Variants in GPAM observed in about 807,000 individuals in gnomAD.
GPAM encodes the protein glycerol-3-phosphate acyltransferase 1, mitochondrial.
Under a neutral mutation model 105.0 loss-of-function variants are expected in GPAM, and 56 were observed. The observed-to-expected ratio is 0.53, with a 90% CI of 0.43 to 0.67. GPAM has a LOEUF of 0.67. Ranked by LOEUF, GPAM falls within the 30% of genes least tolerant of loss-of-function variation. GPAM has a pLI of 0.00. For synonymous variants in GPAM, 368 were observed against 354.4 expected (o/e 1.04, Z -0.43); for missense variants, 855 against 989.8 (o/e 0.86, Z 1.83).
chr10:112,162,887 T>C (rs1256073041), intron 14 of GPAM, among the ~76,000 whole-genome samples: 2 of 152,124 alleles, frequency 1.3e-5, no homozygotes, highest in Non-Finnish European at 2.9e-5. Flanking sequence ...CATAATCAAA[T>C]GTGCTTGAGA....
the GPAM span, among the ~76,000 whole-genome samples, chr10:112,223,807 A>C: frequency 6.6e-6 from 1 of 152,250 alleles, no homozygotes; most frequent in Non-Finnish European, 1.5e-5. Flanking sequence ...AATATAAACA[A>C]AGACTACAGC....
intron 1 of GPAM, among the ~76,000 whole-genome samples, chr10:112,196,098 A>C (rs1384941223): frequency 1.3e-5 from 2 of 152,202 alleles, no homozygotes; most frequent in African/African-American, 4.8e-5. Flanking sequence ...GCCTGGGAGG[A>C]AACACACACA....
intron 1 of GPAM, among the ~76,000 whole-genome samples, chr10:112,208,293 C>A (rs749706580): frequency 6.6e-6 from 1 of 152,198 alleles, no homozygotes; most frequent in Non-Finnish European, 1.5e-5. Flanking sequence ...TGAAGATCAA[C>A]TTTTATCCTG....
chr10:112,151,046 C>T lies in GPAM; in HGVS notation c.*2504G>A. ...TTTCAGAGTGCACAACTTCCCTCCT[C>T]TCTTCTGAATCACTTAGGACATTCT... is the stretch of plus-strand genomic sequence containing the variant. On this transcript the variant is annotated 3_prime_UTR_variant, in exon 22 of 22. Transcript: ENST00000348367. 1.0e-6 allele frequency: 1 copy of T among 985,576 alleles called. No individual in the cohort carries two copies. The highest frequency in any genetic ancestry group is 1.2e-6 in the Non-Finnish European group (1 of 829,746). 61.1% of individuals were successfully genotyped at this position (985,576 alleles called of 1,614,324 possible). A position where few individuals can be genotyped will look rare whatever the true frequency, so the allele number is the denominator to read the frequency against.
At chr10:112,155,004 G>A (rs759569106) in intron 20 of GPAM, 1 of 430,024 alleles carries the variant, frequency 2.3e-6, no homozygotes, top group African/African-American at 2.0e-5. Flanking sequence ...TTCCAGGACT[G>A]TTGTGAGAAT....
chr10:112,168,583 C>T (rs757782585), intron 10 of GPAM, 59 bp from the exon 11 acceptor site: 2 of 1,162,220 alleles, frequency 1.7e-6, no homozygotes, highest in Non-Finnish European at 2.6e-6. Flanking sequence ...AGAATGAGCT[C>T]AGAAAAATTA....
intron 8 of GPAM, 36 bp from the exon 9 acceptor site, chr10:112,172,354 A>G: frequency 3.1e-6 from 5 of 1,592,936 alleles, no homozygotes; most frequent in Non-Finnish European, 3.4e-6. Context: ...TAAAACTCAA[A>G]TGTAAAATTC....
intron 16 of GPAM, chr10:112,160,263 C>A: frequency 2.2e-6 from 1 of 446,890 alleles, no homozygotes; most frequent in South Asian, 9.5e-5. Context: ...TAAGCCCCCT[C>A]TTCTCTCCTT....
In GPAM at chr10:112,160,614, C is replaced by T; in HGVS notation, c.1749G>A (p.Glu583=). 1 of 1,613,014 alleles carries T rather than the reference C, an allele frequency of 6.2e-7. No individual in the cohort carries two copies. The highest frequency in any genetic ancestry group is 2.2e-5 in the East Asian group (1 of 44,876). The change falls in exon 16 of 22, where the codon GAG becomes GAA. Residue 583 remains glutamate, a synonymous_variant. Transcript: ENST00000348367. ...CAAGGTCTGACATACCTATGATGGCCTCCATGATAAAGACATGAAGTACCC... is the reference window on the plus strand; with the variant it reads ...CAAGGTCTGACATACCTATGATGGCTTCCATGATAAAGACATGAAGTACCC... ...SNGVLHVFIM[E]AIIACSLYAV...
intron 1 of GPAM, among the ~76,000 whole-genome samples, chr10:112,214,059 T>A (rs933676343): frequency 2.0e-5 from 3 of 152,076 alleles, no homozygotes; most frequent in Non-Finnish European, 4.4e-5. Context: ...ACCCCTGCAG[T>A]GAAAGCTCCC....
In GPAM at chr10:112,209,438, A is replaced by G. The variant is rs553825756; in HGVS notation, n.210+5730T>C. 2.6e-5 allele frequency among the ~76,000 whole-genome samples: 4 copies of G among 152,190 alleles called. No individual in the cohort carries two copies. The South Asian group carries it at 8.3e-4, about 32-fold the overall frequency. On this transcript the variant is annotated intron_variant and non_coding_transcript_variant, in intron 1 of 3. Transcript: ENST00000480130. ...CAGCCTGAGCATCAGCCCACAGGAT[A>G]ATTAAAATGTGCTCCAAGGGGAGCC...
Position 112,174,192 on chromosome 10 carries a change from T to A in GPAM, c.414-347A>T, listed in dbSNP as rs181220368. Among the ~76,000 whole-genome samples the A allele has an allele frequency of 4.7e-4, 72 of 152,362 alleles. 2 individuals carry two copies. In the East Asian group the frequency reaches 0.013, roughly 29 times the overall value. On this transcript the variant is annotated intron_variant, in intron 6 of 21. Coordinates refer to ENST00000348367, the MANE Select transcript of GPAM (RefSeq NM_001244949.2). ...AAGAAAGGTTATCCCTTTAGGCATATAATTCAGAGGTATCCAAAAGTCTAC... is the reference window on the plus strand; with the variant it reads ...AAGAAAGGTTATCCCTTTAGGCATAAAATTCAGAGGTATCCAAAAGTCTAC...
chr10:112,192,003 C>A (rs1847665348), intron 1 of GPAM, among the ~76,000 whole-genome samples: 1 of 152,150 alleles, frequency 6.6e-6, no homozygotes, highest in Admixed American at 6.5e-5. Flanking sequence ...CTTTGAGTAC[C>A]ACGCAGAGCC....
Position 112,162,837 on chromosome 10 carries a change from G to A in GPAM, c.1423+864C>T, listed in dbSNP as rs542692177. ...TTATTTTCAAACTTTTTAACAATAA[G>A]GTATTATTTTTTGTATCCAGATTTT... On this transcript the variant is annotated intron_variant, in intron 14 of 21. Coordinates refer to ENST00000348367, the MANE Select transcript of GPAM (RefSeq NM_001244949.2). Among the ~76,000 whole-genome samples, 12 of 152,148 alleles carry A rather than the reference G, an allele frequency of 7.9e-5. No individual in the cohort carries two copies. The East Asian group carries it at 1.2e-3, about 15-fold the overall frequency.
At chr10:112,190,599 C>T (rs1049061059) in intron 1 of GPAM, among the ~76,000 whole-genome samples, 2 of 151,998 alleles carry the variant, frequency 1.3e-5, no homozygotes, top group African/African-American at 4.8e-5. Flanking sequence ...ATAAGGACTT[C>T]ATTTTGACTG....
intron 1 of GPAM, among the ~76,000 whole-genome samples, chr10:112,209,627 C>T (rs932653361): frequency 1.3e-5 from 2 of 152,116 alleles, no homozygotes; most frequent in African/African-American, 4.8e-5. Flanking sequence ...CTGGTTTTCC[C>T]ATAGCCAAGT....
chr10:112,227,317 A>C, the GPAM span, among the ~76,000 whole-genome samples: 47 of 152,322 alleles, frequency 3.1e-4, no homozygotes, highest in African/African-American at 9.6e-4. Context: ...CCTTTGATTT[A>C]GGCAAAATAG....
chr10:112,150,956 C>A lies in GPAM; in HGVS notation c.*2594G>T, dbSNP rs770815801. ...TTTAACAGATTCCAGAAGGAAGACTCGAAGCCATCTCAGTTAACAGTTCTA... is the reference window on the plus strand; with the variant it reads ...TTTAACAGATTCCAGAAGGAAGACTAGAAGCCATCTCAGTTAACAGTTCTA... On this transcript the variant is annotated 3_prime_UTR_variant, in exon 22 of 22. Coordinates refer to ENST00000348367, the MANE Select transcript of GPAM (RefSeq NM_001244949.2). 1.0e-4 allele frequency: 101 copies of A among 984,580 alleles called. No individual in the cohort carries two copies. Among genetic ancestry groups the A allele is most frequent in the Non-Finnish European group, 1.2e-4 (100 of 829,052 alleles). The allele number at this position is 984,580 out of a possible 1,614,324, so 61.0% of individuals were successfully genotyped here.
At chr10:112,160,924 TGA>T in intron 15 of GPAM, 56 bp from the exon 16 acceptor site, 3 of 1,491,976 alleles carry the variant, frequency 2.0e-6, no homozygotes, top group Non-Finnish European at 1.9e-6. Context: ...TCCAAAAAGC[TGA>T]GAGGCCAACA....
Sources: allele counts gnomAD v4.1 joint callset (sites outside exome capture counted in the v4.1 genomes callset), GRCh38; gene constraint gnomAD v4.1.1; transcripts MANE v1.5; gene names NCBI Gene and HGNC (gene_info 2026-07-23, HGNC 2026-07-21).